The following FAM110B variants were observed in gnomAD, a reference collection of about 807,000 sequenced individuals.
FAM110B encodes the protein family with sequence similarity 110 member B.
Under a neutral mutation model 20.4 loss-of-function variants are expected in FAM110B, and 6 were observed. The observed-to-expected ratio is 0.29, with a 90% confidence interval of 0.16 to 0.58. FAM110B has a LOEUF of 0.58. Among genes scored for constraint, FAM110B ranks in the 20% least tolerant of loss-of-function variants. The pLI is 0.90. For synonymous variants in FAM110B, 226 were observed against 214.1 expected, an observed-to-expected ratio of 1.06 and a Z score of -0.49; for missense variants, 434 against 498.2, an observed-to-expected ratio of 0.87 and a Z score of 1.23.
intron 2 of FAM110B, among the ~76,000 whole-genome samples, chr8:58,062,105 G>C (rs751124808): frequency 6.6e-6 from 1 of 152,106 alleles, no homozygotes; most frequent in African/African-American, 2.4e-5. Flanking sequence ...CTTCTGAAAT[G>C]AAAAAGGTCC....
chr8:58,100,588 G>A (rs902323807), intron 3 of FAM110B, among the ~76,000 whole-genome samples: 1 of 152,138 alleles, frequency 6.6e-6, no homozygotes, highest in Non-Finnish European at 1.5e-5. Flanking sequence ...GGCCATCTTC[G>A]GTGTTCCTTG....
intron 2 of FAM110B, among the ~76,000 whole-genome samples, chr8:58,035,471 T>C (rs1805059235): frequency 6.6e-6 from 1 of 152,234 alleles, no homozygotes; most frequent in Non-Finnish European, 1.5e-5. Flanking sequence ...TTGAAACTAA[T>C]GACATTACTT....
chr8:58,146,634 C>CG lies in FAM110B; in HGVS notation c.408dup (p.His137AlafsTer17). ...AGCTCCGAGGGCTCTAGCTCGGGCT[C>CG]GGGGCACAAGCACAGCTCCCGCAAC... On this transcript the variant is annotated frameshift_variant, in exon 4 of 4. Coordinates refer to ENST00000519262, the MANE Select transcript of FAM110B (RefSeq NM_001377989.1). LOFTEE classifies it high-confidence loss of function. The CG allele has an allele frequency of 6.2e-7, 1 of 1,613,672 alleles. No individual in the cohort carries two copies. The highest frequency in any genetic ancestry group is 8.5e-7 in the Non-Finnish European group (1 of 1,179,824).
chr8:58,142,436 G>A (rs900257323), intron 3 of FAM110B, among the ~76,000 whole-genome samples: 2 of 152,160 alleles, frequency 1.3e-5, no homozygotes, highest in African/African-American at 4.8e-5. Flanking sequence ...TGAGTAGTGG[G>A]AGATAACATT....
intron 3 of FAM110B, among the ~76,000 whole-genome samples, chr8:58,093,098 G>A (rs546700401): frequency 6.6e-6 from 1 of 152,132 alleles, no homozygotes; most frequent in African/African-American, 2.4e-5. Context: ...GGGGTCGTTT[G>A]TGGGTTTTTT....
chr8:58,027,220 G>C (rs1029342121), intron 1 of FAM110B, among the ~76,000 whole-genome samples: 8 of 152,314 alleles, frequency 5.3e-5, no homozygotes, highest in African/African-American at 1.9e-4. Flanking sequence ...CTTATTAGAA[G>C]TTGTAGAACA....
chr8:58,074,093 C>T (rs1805971941), intron 2 of FAM110B, among the ~76,000 whole-genome samples: 1 of 152,146 alleles, frequency 6.6e-6, no homozygotes, highest in South Asian at 2.1e-4. Flanking sequence ...CTTTACTTTT[C>T]CCACCCTCCG....
chr8:58,096,529 T>C (rs998875335), intron 3 of FAM110B, among the ~76,000 whole-genome samples: 1 of 152,214 alleles, frequency 6.6e-6, no homozygotes, highest in African/African-American at 2.4e-5. Flanking sequence ...TTGGGGCATT[T>C]AGCCCGTTTA....
chr8:58,099,631 T>A (rs1209255501), intron 3 of FAM110B, among the ~76,000 whole-genome samples: 1 of 152,204 alleles, frequency 6.6e-6, no homozygotes, highest in African/African-American at 2.4e-5. Context: ...AGTACTCTCA[T>A]ATAGCACATT....
chr8:58,083,073 A>G (rs1207713064), intron 3 of FAM110B, among the ~76,000 whole-genome samples: 1 of 151,768 alleles, frequency 6.6e-6, no homozygotes, highest in African/African-American at 2.4e-5. Flanking sequence ...AGTTTTTTGT[A>G]CATATGAAGG....
chr8:58,000,237 T>G (rs936261459), intron 1 of FAM110B, among the ~76,000 whole-genome samples: 2 of 151,638 alleles, frequency 1.3e-5, no homozygotes. Flanking sequence ...CACAGCGGAG[T>G]TGGGGTTGGG....
intron 3 of FAM110B, among the ~76,000 whole-genome samples, chr8:58,105,743 T>A (rs543991325): frequency 6.6e-6 from 1 of 151,672 alleles, no homozygotes; most frequent in Non-Finnish European, 1.5e-5. Flanking sequence ...TAATTTTTTG[T>A]ATTTTTTTAG....
intron 1 of FAM110B, among the ~76,000 whole-genome samples, chr8:58,001,512 G>A (rs1430186784): frequency 2.6e-5 from 4 of 152,118 alleles, no homozygotes; most frequent in African/African-American, 9.7e-5. Context: ...TTGCTTGTTT[G>A]ATTTTTCTTA....
intron 2 of FAM110B, among the ~76,000 whole-genome samples, chr8:58,055,100 T>G (rs1563353070): frequency 6.6e-6 from 1 of 152,116 alleles, no homozygotes; most frequent in Non-Finnish European, 1.5e-5. Flanking sequence ...GCAGCAACCT[T>G]TGAGAGTTTG....
chr8:58,060,007 G>A (rs1346396745), intron 2 of FAM110B, among the ~76,000 whole-genome samples: 1 of 151,850 alleles, frequency 6.6e-6, no homozygotes, highest in African/African-American at 2.4e-5. Context: ...ATTTTTCATT[G>A]TATTGTCTTA....
At chr8:58,049,997 A>G (rs141773853) in intron 2 of FAM110B, among the ~76,000 whole-genome samples, 104 of 152,360 alleles carry the variant, frequency 6.8e-4, no homozygotes, top group Middle Eastern at 3.4e-3. Context: ...AAATGTAAAT[A>G]AATTATATTG....
At chr8:58,025,889 T>TA (rs1451907813) in intron 1 of FAM110B, among the ~76,000 whole-genome samples, 1 of 152,206 alleles carries the variant, frequency 6.6e-6, no homozygotes, top group East Asian at 1.9e-4. Context: ...GTCCATGTCC[T>TA]ATCCACCCAT....
At chr8:58,142,711 CAG>C (rs1803769713) in intron 3 of FAM110B, among the ~76,000 whole-genome samples, 1 of 152,202 alleles carries the variant, frequency 6.6e-6, no homozygotes, top group African/African-American at 2.4e-5. Context: ...GGATGTTAAA[CAG>C]GGTAGAATGT....
At chr8:58,083,143 G>A (rs1039650072) in intron 3 of FAM110B, among the ~76,000 whole-genome samples, 3 of 152,132 alleles carry the variant, frequency 2.0e-5, no homozygotes, top group Admixed American at 6.5e-5. Flanking sequence ...AGCTCTGACA[G>A]CAACATCTTC....
Sources: gnomAD v4.1 joint callset for allele counts (sites outside exome capture counted in the v4.1 genomes callset) on GRCh38, gnomAD v4.1.1 for gene constraint, MANE v1.5 for transcripts, NCBI Gene and HGNC (gene_info 2026-07-23, HGNC 2026-07-21) for gene names.